Variants in COL8A1 observed in about 807,000 individuals in gnomAD.
COL8A1 encodes collagen alpha-1(VIII) chain.
In COL8A1, 21 loss-of-function variants were observed where a neutral mutation model predicts 42.7. That is an observed-to-expected ratio of 0.49 (90% CI 0.35 to 0.71). The LOEUF (loss-of-function observed/expected upper bound fraction) is 0.71, where lower values mean the gene tolerates loss of function less well. COL8A1 is among the 30% of genes least tolerant of loss of function. The probability of loss-of-function intolerance (pLI) is 0.01; values close to 1 mark genes in which losing one functional copy is unlikely to be tolerated. For synonymous variants in COL8A1, 367 were observed against 369.1 expected (o/e 0.99, Z 0.06); for missense variants, 788 against 962.4 (o/e 0.82, Z 2.40).
chr3:99,751,514 G>A (rs1002657287), intron 2 of COL8A1, among the ~76,000 whole-genome samples: 7 of 152,202 alleles, frequency 4.6e-5, no homozygotes, highest in Non-Finnish European at 1.0e-4. Flanking sequence ...AGCTGAGATC[G>A]CACCACTGCA....
intron 1 of COL8A1, among the ~76,000 whole-genome samples, chr3:99,642,528 A>G (rs559453308): frequency 4.6e-5 from 7 of 152,356 alleles, no homozygotes; most frequent in African/African-American, 1.7e-4. Context: ...CTGACTATGT[A>G]AAATATGAAC....
intron 1 of COL8A1, among the ~76,000 whole-genome samples, chr3:99,702,245 C>T (rs1198029159): frequency 6.6e-6 from 1 of 152,150 alleles, no homozygotes; most frequent in East Asian, 1.9e-4. Context: ...CTATAAGACA[C>T]TTCTCCCCAT....
chr3:99,638,876 T>C (rs1937447457), intron 1 of COL8A1, among the ~76,000 whole-genome samples: 1 of 152,220 alleles, frequency 6.6e-6, no homozygotes, highest in South Asian at 2.1e-4. Context: ...AGCATAAATA[T>C]TGCGAAACCT....
chr3:99,665,656 T>C (rs1301938510), intron 1 of COL8A1, among the ~76,000 whole-genome samples: 1 of 148,764 alleles, frequency 6.7e-6, no homozygotes, highest in Non-Finnish European at 1.5e-5. Context: ...AGACAAAAAA[T>C]ACTTGTTGAA....
intron 1 of COL8A1, among the ~76,000 whole-genome samples, chr3:99,735,620 G>A (rs1265620132): frequency 1.3e-5 from 2 of 148,846 alleles, no homozygotes; most frequent in Non-Finnish European, 3.0e-5. Context: ...CTCTTTTTTT[G>A]TTGTGTCTCT....
At chr3:99,664,907 C>T (rs971164664) in intron 1 of COL8A1, among the ~76,000 whole-genome samples, 1 of 152,190 alleles carries the variant, frequency 6.6e-6, no homozygotes, top group African/African-American at 2.4e-5. Context: ...GAGTGCGCCT[C>T]TCCACTGCAT....
intron 2 of COL8A1, among the ~76,000 whole-genome samples, chr3:99,774,475 TA>T (rs1469947875): frequency 6.6e-6 from 1 of 152,094 alleles, no homozygotes; most frequent in Non-Finnish European, 1.5e-5. Flanking sequence ...GATATTAAAA[TA>T]AGTTTGTTTT....
intron 1 of COL8A1, among the ~76,000 whole-genome samples, chr3:99,742,993 C>A (rs1334667768): frequency 6.6e-6 from 1 of 152,006 alleles, no homozygotes; most frequent in African/African-American, 2.4e-5. Context: ...ACATTGTATC[C>A]CCAACACTAA....
chr3:99,639,116 C>G (rs1238871896), intron 1 of COL8A1, among the ~76,000 whole-genome samples: 1 of 152,098 alleles, frequency 6.6e-6, no homozygotes, highest in Non-Finnish European at 1.5e-5. Context: ...TTCCAAACCC[C>G]CAAGACAGCT....
chr3:99,741,454 C>T (rs530508102), intron 1 of COL8A1, among the ~76,000 whole-genome samples: 7 of 152,274 alleles, frequency 4.6e-5, no homozygotes, highest in Non-Finnish European at 7.4e-5. Flanking sequence ...TAATAAACCA[C>T]ATCAGAGTTT....
intron 1 of COL8A1, among the ~76,000 whole-genome samples, chr3:99,700,028 G>A (rs1178885817): frequency 6.6e-6 from 1 of 152,142 alleles, no homozygotes; most frequent in African/African-American, 2.4e-5. Flanking sequence ...GAGTCATCTA[G>A]GGATGTCACG....
intron 1 of COL8A1, among the ~76,000 whole-genome samples, chr3:99,721,391 A>G (rs1195410227): frequency 3.6e-5 from 5 of 139,330 alleles, no homozygotes; most frequent in Admixed American, 1.4e-4. Flanking sequence ...AAAAGAAAGG[A>G]AAGGAAAAAG....
chr3:99,657,852 G>A (rs529814781), intron 1 of COL8A1, among the ~76,000 whole-genome samples: 164 of 152,184 alleles, frequency 1.1e-3, no homozygotes, highest in African/African-American at 3.9e-3. Context: ...TCAGAGGACC[G>A]GGCACGGTGG....
chr3:99,651,495 C>T (rs994339480), intron 1 of COL8A1, among the ~76,000 whole-genome samples: 15 of 152,218 alleles, frequency 9.9e-5, no homozygotes, highest in African/African-American at 3.1e-4. Flanking sequence ...AGCAGGTCAG[C>T]GGAGGTAGCA....
At chr3:99,693,559 G>T (rs1469885426) in intron 1 of COL8A1, among the ~76,000 whole-genome samples, 1 of 152,108 alleles carries the variant, frequency 6.6e-6, no homozygotes, top group African/African-American at 2.4e-5. Flanking sequence ...AAAGTAAAAA[G>T]ATAAAAGAAT....
intron 1 of COL8A1, among the ~76,000 whole-genome samples, chr3:99,690,504 T>G (rs1939185004): frequency 2.0e-5 from 3 of 152,190 alleles, no homozygotes; most frequent in Admixed American, 1.3e-4. Flanking sequence ...TTAAAGTCCC[T>G]AGAGGTACAG....
intron 1 of COL8A1, among the ~76,000 whole-genome samples, chr3:99,669,986 G>T (rs909322070): frequency 6.6e-6 from 1 of 151,906 alleles, no homozygotes; most frequent in Non-Finnish European, 1.5e-5. Flanking sequence ...ACAAAATTCT[G>T]TATAATTTCT....
At chr3:99,780,860 C>T (rs1941781789) in intron 2 of COL8A1, among the ~76,000 whole-genome samples, 1 of 152,152 alleles carries the variant, frequency 6.6e-6, no homozygotes, top group Non-Finnish European at 1.5e-5. Context: ...CTCTATCCCT[C>T]AAAATAAATT....
At chr3:99,650,127 C>T (rs920769870) in intron 1 of COL8A1, among the ~76,000 whole-genome samples, 2 of 152,156 alleles carry the variant, frequency 1.3e-5, no homozygotes, top group African/African-American at 4.8e-5. Context: ...ACTACTCCCC[C>T]AAACATTCCT....
Sources: gnomAD v4.1 joint callset for allele counts (sites outside exome capture counted in the v4.1 genomes callset) on GRCh38, gnomAD v4.1.1 for gene constraint, MANE v1.5 for transcripts, NCBI Gene and HGNC (gene_info 2026-07-23, HGNC 2026-07-21) for gene names.